NBEAL1: variants seen among roughly 807,000 people sequenced by gnomAD.
The protein encoded by NBEAL1 is neurobeachin-like protein 1.
In NBEAL1, 273 loss-of-function variants were observed where a neutral mutation model predicts 351.3. That is an observed-to-expected ratio of 0.78 (90% CI 0.70 to 0.86). NBEAL1 has a LOEUF of 0.86. Ranked by LOEUF, NBEAL1 falls within the 40% of genes least tolerant of loss-of-function variation. The probability of loss-of-function intolerance (pLI) is 0.00; values close to 1 mark genes in which losing one functional copy is unlikely to be tolerated. For missense variants in NBEAL1, 2,961 were observed against 3,201.3 expected, an observed-to-expected ratio of 0.92 and a Z score of 1.81; for synonymous variants, 1,050 against 1,086.4, an observed-to-expected ratio of 0.97 and a Z score of 0.66.
At position 203,106,599 on chromosome 2, in the gene NBEAL1, T is replaced by G. The variant is rs546474015; in HGVS notation, c.1270-821T>G. 1.4e-4 allele frequency among the ~76,000 whole-genome samples: 21 copies of G among 150,218 alleles called. 1 individual carries two copies. Among genetic ancestry groups the G allele is most frequent in the African/African-American group, 5.1e-4 (21 of 41,156 alleles). Reference sequence around the variant, plus strand: ...ATGTTCCAGTCTTCCTTGAAAGTTGTTTTTTTTTGTCCATATAATAGCTGG... The same window carrying G: ...ATGTTCCAGTCTTCCTTGAAAGTTGGTTTTTTTTGTCCATATAATAGCTGG... On this transcript the variant is annotated intron_variant, in intron 12 of 55. Transcript: ENST00000683969.
chr2:203,082,547 A>G (rs567228789), intron 8 of NBEAL1, among the ~76,000 whole-genome samples: 9 of 152,340 alleles, frequency 5.9e-5, no homozygotes, highest in African/African-American at 2.2e-4. Flanking sequence ...ACCTTGACAT[A>G]TAACTACCAA....
intron 6 of NBEAL1, among the ~76,000 whole-genome samples, chr2:203,060,216 G>A (rs551246700): frequency 6.6e-6 from 1 of 152,214 alleles, no homozygotes; most frequent in East Asian, 1.9e-4. Flanking sequence ...GATGGGGAGA[G>A]AAGATTTATA....
intron 10 of NBEAL1, among the ~76,000 whole-genome samples, chr2:203,090,967 A>G (rs1294659385): frequency 6.6e-6 from 1 of 152,148 alleles, no homozygotes; most frequent in Non-Finnish European, 1.5e-5. Context: ...AAGGAAAGGA[A>G]GAAAGGAAAG....
intron 36 of NBEAL1, among the ~76,000 whole-genome samples, chr2:203,161,077 CA>C: frequency 6.6e-6 from 1 of 152,240 alleles, no homozygotes; most frequent in African/African-American, 2.4e-5. Context: ...CCTGTAATCC[CA>C]GCACTTTGGG....
intron 5 of NBEAL1, among the ~76,000 whole-genome samples, chr2:203,056,826 C>T (rs1051286471): frequency 6.6e-6 from 1 of 152,210 alleles, no homozygotes; most frequent in Non-Finnish European, 1.5e-5. Flanking sequence ...CCTCGGCCTC[C>T]CAAAGTGCTG....
chr2:203,161,400 G>A (rs1478510032), intron 36 of NBEAL1, among the ~76,000 whole-genome samples: 3 of 151,498 alleles, frequency 2.0e-5, no homozygotes, highest in African/African-American at 7.3e-5. Context: ...GGAGGCCCAG[G>A]CAGGTGGATC....
rs1053683998 is a variant in NBEAL1, at chr2:203,057,810, T to C, written c.515+357T>C. ...TGCTTTCTAGCAGTATTTTGTCCAT[T>C]TTTTTTCTTTTTTCTTTTTTTTTTT... On this transcript the variant is annotated intron_variant, in intron 6 of 55. Coordinates refer to ENST00000683969, the MANE Select transcript of NBEAL1 (RefSeq NM_001378026.1). Among the ~76,000 whole-genome samples the C allele has an allele frequency of 5.9e-5, 9 of 151,860 alleles. No individual in the cohort carries two copies. The South Asian group carries it at 1.9e-3, about 32-fold the overall frequency.
intron 18 of NBEAL1, among the ~76,000 whole-genome samples, chr2:203,119,423 G>GTTTTTTTTTTTT (rs1559379701): frequency 4.7e-5 from 1 of 21,426 alleles, no homozygotes; most frequent in African/African-American, 9.3e-5. Context: ...ACGGCCTGTT[G>GTTTTTTTTTTTT]CTTTTTTTTT....
In NBEAL1 at chr2:203,088,299, G is replaced by C. The variant is rs376366653; in HGVS notation, c.1098+3730G>C. 6.2e-4 allele frequency among the ~76,000 whole-genome samples: 94 copies of C among 152,154 alleles called. 1 individual carries two copies. In the East Asian group the frequency reaches 0.012, roughly 20 times the overall value. Reference sequence around the variant, plus strand: ...ACCAGTAAGTCTTTATTGATTGATTGTATCTTCCCAGGGAAAGAAGGAGGG... The same window carrying C: ...ACCAGTAAGTCTTTATTGATTGATTCTATCTTCCCAGGGAAAGAAGGAGGG... On this transcript the variant is annotated intron_variant, in intron 10 of 55. Transcript: ENST00000683969.
chr2:203,039,269 CCCTTCCCTT>C (rs2061092929), intron 2 of NBEAL1, among the ~76,000 whole-genome samples: 1 of 50,584 alleles, frequency 2.0e-5, no homozygotes, highest in African/African-American at 8.1e-5. Context: ...CCCTTCCCTT[CCCTTCCCTT>C]CCCTTTCGCT....
chr2:203,157,887 G>T, intron 36 of NBEAL1, 62 bp downstream of exon 36: 1 of 1,322,392 alleles, frequency 7.6e-7, no homozygotes, highest in Non-Finnish European at 1.0e-6. Context: ...TCGTGGAAAA[G>T]ATTTGCTTGA....
intron 7 of NBEAL1, among the ~76,000 whole-genome samples, chr2:203,076,753 G>A (rs1378161161): frequency 2.0e-5 from 3 of 151,598 alleles, no homozygotes; most frequent in African/African-American, 7.3e-5. Flanking sequence ...CACCACACCT[G>A]GCTAATTTTT....
chr2:203,214,065 C>G (rs1244146153), intron 55 of NBEAL1, among the ~76,000 whole-genome samples: 1 of 152,176 alleles, frequency 6.6e-6, no homozygotes, highest in East Asian at 1.9e-4. Context: ...TTATTTGTAA[C>G]TACAAATATC....
At chr2:203,164,383 C>G (rs2064065273) in intron 36 of NBEAL1, among the ~76,000 whole-genome samples, 1 of 151,540 alleles carries the variant, frequency 6.6e-6, no homozygotes, top group South Asian at 2.1e-4. Flanking sequence ...TGGGTAGGGG[C>G]AGTTATATAG....
intron 2 of NBEAL1, among the ~76,000 whole-genome samples, chr2:203,018,584 T>A (rs1337779974): frequency 5.3e-5 from 8 of 152,232 alleles, no homozygotes; most frequent in African/African-American, 1.9e-4. Flanking sequence ...TTTTTTTTGT[T>A]GTTGTTGTTC....
rs547852271 is a variant in NBEAL1 at position 203,223,361 on chromosome 2, TAAC to T, written c.*6009_*6011del. On this transcript the variant is annotated 3_prime_UTR_variant, in exon 56 of 56. Transcript: ENST00000683969. ...TTTGCAAATATAACAATAATAGTAA[TAAC>T]ACAATTTTGTCATTTAAAAAATTAC... 3.0e-3 allele frequency among the ~76,000 whole-genome samples: 457 copies of T among 152,258 alleles called. 1 individual carries two copies. Among genetic ancestry groups the T allele is most frequent in the Non-Finnish European group, 5.1e-3 (344 of 67,962 alleles).
chr2:203,178,234 C>T lies in NBEAL1; in HGVS notation c.6465-2148C>T, dbSNP rs192380041. On this transcript the variant is annotated intron_variant, in intron 42 of 55. Transcript: ENST00000683969. ...GGCTGGAGTACAGTGGCTCAGTTTC[C>T]GCTCACTGCAACCTCCATCTCCTAG... Among the ~76,000 whole-genome samples, 160 of 150,702 alleles carry T rather than the reference C, an allele frequency of 1.1e-3. 1 individual carries two copies. Among genetic ancestry groups the T allele is most frequent in the African/African-American group, 3.8e-3 (154 of 41,046 alleles).
chr2:203,180,565 C>T lies in NBEAL1; in HGVS notation c.6595+53C>T, dbSNP rs1319894171. On this transcript the variant is annotated intron_variant, in intron 43 of 55. Coordinates refer to ENST00000683969, the MANE Select transcript of NBEAL1 (RefSeq NM_001378026.1). The stretch of plus-strand genomic sequence containing the variant: ...CTAGCAGGTCCCAATGGAGGAGCCT[C>T]AAAAATGTCTTTCAGGACATTTTTG... The T allele has an allele frequency of 2.0e-6, 3 of 1,504,172 alleles. No individual in the cohort carries two copies. In the East Asian group the frequency reaches 7.1e-5, roughly 36 times the overall value. The allele number at this position is 1,504,172 out of a possible 1,614,324, so 93.2% of individuals were successfully genotyped here. A position where few individuals can be genotyped will look rare whatever the true frequency, so the allele number is the denominator to read the frequency against.
intron 35 of NBEAL1, among the ~76,000 whole-genome samples, chr2:203,154,852 T>C (rs78955229): frequency 6.6e-6 from 1 of 151,028 alleles, no homozygotes; most frequent in Admixed American, 6.6e-5. Context: ...AGAAGATTGC[T>C]TGAACCCAGG....
Sources: gnomAD v4.1 joint callset for allele counts (sites outside exome capture counted in the v4.1 genomes callset) on GRCh38, gnomAD v4.1.1 for gene constraint, MANE v1.5 for transcripts, NCBI Gene and HGNC (gene_info 2026-07-23, HGNC 2026-07-21) for gene names.